Variants in SPATA31G1 observed in about 807,000 individuals in gnomAD.
SPATA31G1 encodes spermatogenesis-associated protein 31G1.
the SPATA31G1 span, chr9:35,043,959 T>A: frequency 3.7e-6 from 6 of 1,613,494 alleles, no homozygotes; most frequent in Non-Finnish European, 5.1e-6. Flanking sequence ...CAGCCCTGAA[T>A]GTGTCCCACC....
the SPATA31G1 span, chr9:35,044,128 C>G: frequency 6.2e-7 from 1 of 1,614,114 alleles, no homozygotes; most frequent in Non-Finnish European, 8.5e-7. Flanking sequence ...TTGTGGGAGA[C>G]CATGGGGCAG....
the SPATA31G1 span, chr9:35,045,762 T>C: frequency 8.7e-6 from 14 of 1,614,178 alleles, no homozygotes; most frequent in Non-Finnish European, 1.2e-5. Context: ...CATGGAGAAG[T>C]ATCTCTCCTT....
chr9:35,044,228 G>A, the SPATA31G1 span: 1 of 1,614,118 alleles, frequency 6.2e-7, no homozygotes, highest in Non-Finnish European at 8.5e-7. Context: ...TCAATCCTGG[G>A]GAATGCCTCG....
At chr9:35,043,058 T>C in the SPATA31G1 span, 1 of 1,614,178 alleles carries the variant, frequency 6.2e-7, no homozygotes, top group Non-Finnish European at 8.5e-7. Flanking sequence ...CCTGTGGTTC[T>C]GAGGGCCTCC....
the SPATA31G1 span, chr9:35,043,307 T>C: frequency 1.2e-6 from 2 of 1,614,108 alleles, no homozygotes; most frequent in African/African-American, 2.7e-5. Flanking sequence ...CTGTTTGTTC[T>C]TCTGTCTTCT....
At chr9:35,044,364 G>T in the SPATA31G1 span, 2 of 1,614,000 alleles carry the variant, frequency 1.2e-6, no homozygotes, top group Non-Finnish European at 1.7e-6. Flanking sequence ...TAGATCCATG[G>T]GGGTCCTGTC....
the SPATA31G1 span, chr9:35,044,941 A>G: frequency 6.2e-7 from 1 of 1,614,152 alleles, no homozygotes; most frequent in Non-Finnish European, 8.5e-7. Context: ...ACTGTCCCAG[A>G]GTTGCTCACC....
At chr9:35,041,924 TATAGATAAGAAAA>T in the SPATA31G1 span, 1 of 220,370 alleles carries the variant, frequency 4.5e-6, no homozygotes, top group Non-Finnish European at 9.1e-6. Flanking sequence ...ATCTTTATTT[TATAGATAAGAAAA>T]ATGAGGCACT....
the SPATA31G1 span, chr9:35,041,948 G>A: frequency 3.6e-6 from 1 of 274,366 alleles, no homozygotes; most frequent in Non-Finnish European, 6.9e-6. Flanking sequence ...ATGAGGCACT[G>A]AAAAAATTAA....
the SPATA31G1 span, chr9:35,043,953 CCTGAATGTGTCCCACCAGCAT>C: frequency 6.2e-7 from 1 of 1,613,410 alleles, no homozygotes; most frequent in Non-Finnish European, 8.5e-7. Flanking sequence ...TGGAACCAGC[CCTGAATGTGTCCCACCAGCAT>C]CTGAGACACC....
At chr9:35,044,255 A>T in the SPATA31G1 span, 1 of 1,614,176 alleles carries the variant, frequency 6.2e-7, no homozygotes, top group Non-Finnish European at 8.5e-7. Context: ...CAGAAGCTAC[A>T]TGGAAGGATA....
the SPATA31G1 span, chr9:35,043,660 G>C: frequency 6.2e-7 from 1 of 1,614,052 alleles, no homozygotes; most frequent in Admixed American, 1.7e-5. Context: ...CCACCCCCCT[G>C]CCAATCCCCA....
chr9:35,041,153 A>C, the SPATA31G1 span: 1 of 453,728 alleles, frequency 2.2e-6, no homozygotes, highest in Non-Finnish European at 4.4e-6. Context: ...GAATGCTGAG[A>C]AAGGTAAAAA....
At chr9:35,042,444 C>A in the SPATA31G1 span, 1 of 1,614,222 alleles carries the variant, frequency 6.2e-7, no homozygotes, top group Non-Finnish European at 8.5e-7. Context: ...GAGGTTGCGA[C>A]AGCTTCATCC....
chr9:35,044,964 C>G, the SPATA31G1 span: 67 of 1,614,072 alleles, frequency 4.2e-5, no homozygotes, highest in Non-Finnish European at 5.6e-5. Flanking sequence ...TCCTGGGATC[C>G]ATGCCTGGCA....
At chr9:35,043,772 T>C in the SPATA31G1 span, 3 of 1,614,206 alleles carry the variant, frequency 1.9e-6, no homozygotes, top group Non-Finnish European at 2.5e-6. Context: ...CTCAGGCCTC[T>C]GAGTCTTCAA....
the SPATA31G1 span, chr9:35,044,696 C>T: frequency 1.9e-6 from 3 of 1,614,200 alleles, no homozygotes; most frequent in Non-Finnish European, 2.5e-6. Context: ...CAGCCCCCAG[C>T]TCACTCTCTA....
At chr9:35,044,060 C>T in the SPATA31G1 span, 1 of 1,614,026 alleles carries the variant, frequency 6.2e-7, no homozygotes, top group Non-Finnish European at 8.5e-7. Context: ...TTCCCTCAGT[C>T]CCTCTCCTGG....
the SPATA31G1 span, chr9:35,041,232 G>A: frequency 3.6e-6 from 1 of 274,894 alleles, no homozygotes; most frequent in Non-Finnish European, 7.4e-6. Context: ...AGCATGCCAG[G>A]GCAAATATTT....
Sources: allele counts gnomAD v4.1 joint callset, GRCh38; gene constraint gnomAD v4.1.1; transcripts MANE v1.5; gene names NCBI Gene and HGNC (gene_info 2026-07-23, HGNC 2026-07-21).